Variants in ZNF33B observed in about 807,000 individuals in gnomAD.
The protein encoded by ZNF33B is zinc finger protein 11b (KOX 2).
A neutral mutation model predicts 45.8 loss-of-function variants in ZNF33B; 29 were observed. That is an observed-to-expected ratio of 0.63 (90% CI 0.47 to 0.86). The LOEUF (loss-of-function observed/expected upper bound fraction) is 0.86, where lower values mean the gene tolerates loss of function less well. Among genes scored for constraint, ZNF33B ranks in the 40% least tolerant of loss-of-function variants. ZNF33B has a pLI of 0.00. For synonymous variants in ZNF33B, 305 were observed against 307.8 expected (o/e 0.99, Z 0.10); for missense variants, 831 against 909.9 (o/e 0.91, Z 1.12).
intron 1 of ZNF33B, chr10:42,582,917 T>C: frequency 6.0e-6 from 3 of 500,834 alleles, no homozygotes; most frequent in Non-Finnish European, 1.1e-5. Flanking sequence ...TTTCCAAATT[T>C]GTTGCAGAGA....
At chr10:42,633,216 G>A (rs1433463039) in intron 2 of ZNF33B, among the ~76,000 whole-genome samples, 1 of 152,120 alleles carries the variant, frequency 6.6e-6, no homozygotes, top group East Asian at 1.9e-4. Flanking sequence ...ACAATAATAG[G>A]GATGTGTAGA....
At chr10:42,629,556 T>C (rs369611099) in intron 4 of ZNF33B, among the ~76,000 whole-genome samples, 30 of 152,324 alleles carry the variant, frequency 2.0e-4, no homozygotes, top group African/African-American at 6.7e-4. Flanking sequence ...ACATCTCCTG[T>C]ACCCCAAAAA....
rs1837068361 is a variant in ZNF33B, at chr10:42,590,355, T to C, written c.*2258A>G. On this transcript the variant is annotated 3_prime_UTR_variant, in exon 5 of 5. Coordinates refer to ENST00000359467, the MANE Select transcript of ZNF33B (RefSeq NM_006955.3). ...GAAAAATGCACATCAGTGAATCCAT[T>C]TGGTCCCGGCACTTTTTTTGGAAGG... The C allele has an allele frequency of 2.6e-5, 4 of 152,116 alleles. No individual in the cohort carries two copies. Among genetic ancestry groups the C allele is most frequent in the South Asian group, 2.1e-4 (1 of 4,824 alleles). 9.4% of individuals were successfully genotyped at this position (152,116 alleles called of 1,614,324 possible).
At chr10:42,620,041 C>T (rs758050461) in intron 4 of ZNF33B, among the ~76,000 whole-genome samples, 5 of 151,840 alleles carry the variant, frequency 3.3e-5, no homozygotes, top group Admixed American at 2.6e-4. Flanking sequence ...CATGGCAAAA[C>T]ACCATCTCTA....
At chr10:42,605,031 T>A (rs1478650879) in intron 4 of ZNF33B, 7 of 145,806 alleles carry the variant, frequency 4.8e-5, no homozygotes, top group African/African-American at 1.3e-4. Flanking sequence ...GAAATAAGAG[T>A]GAGGAAAAAT....
rs1355540083 is a variant in ZNF33B at position 42,638,331 on chromosome 10, G to C, written c.-45+143C>G. The C allele has an allele frequency of 1.6e-5, 5 of 310,448 alleles. No individual in the cohort carries two copies. The East Asian group carries it at 3.8e-4, about 23-fold the overall frequency. The allele number at this position is 310,448 out of a possible 1,614,324, so 19.2% of individuals were successfully genotyped here. ...GAGGAACTGGCGTAGCGTCCTGGTA[G>C]ACATGCTGCAGCCCCGCCGTCCCCG... On this transcript the variant is annotated intron_variant, in intron 1 of 4. Coordinates refer to ENST00000359467, the MANE Select transcript of ZNF33B (RefSeq NM_006955.3).
intron 4 of ZNF33B, among the ~76,000 whole-genome samples, chr10:42,628,639 TTAA>T (rs1344985489): frequency 1.3e-5 from 2 of 152,342 alleles, no homozygotes; most frequent in African/African-American, 4.8e-5. Flanking sequence ...TTGTTTTTGA[TTAA>T]TGTTTGTACA....
In ZNF33B at chr10:42,594,575, T is replaced by C; in HGVS notation, c.375A>G (p.Pro125=). The C allele has an allele frequency of 6.2e-7, 1 of 1,613,444 alleles. No homozygotes were observed. Among genetic ancestry groups the C allele is most frequent in the Non-Finnish European group, 8.5e-7 (1 of 1,179,726 alleles). Residue 125 remains proline (P), a synonymous_variant, in exon 5 of 5, where the codon CCA becomes CCG. Transcript: ENST00000359467. ...TKEQGNVIGI[P]FNMDVSSFPS... ...GAAAAGAACTTACGTCCATGTTAAATGGTATTCCTATTACATTACCTTGTT... is the reference window on the plus strand; with the variant it reads ...GAAAAGAACTTACGTCCATGTTAAACGGTATTCCTATTACATTACCTTGTT...
intron 1 of ZNF33B, among the ~76,000 whole-genome samples, chr10:42,579,141 T>A (rs1363539758): frequency 6.6e-6 from 1 of 152,188 alleles, no homozygotes; most frequent in East Asian, 1.9e-4. Context: ...TACCACATCA[T>A]GGTTCATCCT....
chr10:42,621,597 A>T (rs1838594906), intron 4 of ZNF33B, among the ~76,000 whole-genome samples: 1 of 152,142 alleles, frequency 6.6e-6, no homozygotes, highest in Admixed American at 6.6e-5. Flanking sequence ...TAAAACAAGT[A>T]AAAAAAGGAC....
chr10:42,638,182 G>A (rs1270790570), intron 1 of ZNF33B, among the ~76,000 whole-genome samples: 2 of 152,374 alleles, frequency 1.3e-5, no homozygotes, highest in African/African-American at 4.8e-5. Flanking sequence ...CGCTCAACCA[G>A]AGAACTGCCC....
intron 1 of ZNF33B, among the ~76,000 whole-genome samples, chr10:42,576,708 A>G (rs956075619): frequency 2.6e-5 from 4 of 152,182 alleles, no homozygotes; most frequent in African/African-American, 4.8e-5. Flanking sequence ...CTTTCCCCCA[A>G]TTTTTCCCAT....
chr10:42,603,726 G>C (rs114848998), intron 4 of ZNF33B, among the ~76,000 whole-genome samples: 2,556 of 152,222 alleles, frequency 0.017, 76 homozygotes, highest in African/African-American at 0.059. Flanking sequence ...AATCAGTAGC[G>C]GCTATCAGCA....
chr10:42,608,725 T>A (rs1280177816), intron 4 of ZNF33B, among the ~76,000 whole-genome samples: 1 of 151,768 alleles, frequency 6.6e-6, no homozygotes, highest in Non-Finnish European at 1.5e-5. Context: ...CTTAAAACAC[T>A]GGACAGGAGC....
rs536787057 is a variant in ZNF33B at position 42,577,557 on chromosome 10, G to T, written c.74-2879C>A. On this transcript the variant is annotated intron_variant, in intron 1 of 1. Coordinates refer to the ZNF33B transcript ENST00000462075. ...CCTTCACTTCAGAAAAAGCCCCAAG[G>T]CTTCTGATTCTCCAGTACTTTCTCC... 8.2e-4 allele frequency among the ~76,000 whole-genome samples: 125 copies of T among 152,218 alleles called. 1 individual carries two copies. In the Middle Eastern group the frequency reaches 0.024, roughly 29 times the overall value.
chr10:42,636,434 A>T (rs1277163456), intron 2 of ZNF33B, among the ~76,000 whole-genome samples: 3 of 152,222 alleles, frequency 2.0e-5, no homozygotes, highest in Non-Finnish European at 4.4e-5. Context: ...ATGAAGCTCA[A>T]CTTATTGACT....
Position 42,631,946 on chromosome 10 carries a change from G to A in ZNF33B, c.233C>T (p.Pro78Leu), listed in dbSNP as rs769170027. 1 of 1,614,014 alleles carries A rather than the reference G, an allele frequency of 6.2e-7. No individual in the cohort carries two copies. The highest frequency in any genetic ancestry group is 8.5e-7 in the Non-Finnish European group (1 of 1,179,948). The change falls in exon 4 of 5, where the codon CCA (proline) becomes CTA (leucine). Residue 78 changes from proline to leucine, a missense_variant. Coordinates refer to ENST00000359467, the MANE Select transcript of ZNF33B (RefSeq NM_006955.3). ...EEPWRLEEEF[P>L]SQSFPEVWTA... The stretch of plus-strand genomic sequence containing the variant: ...TAACCCACCTGGAAAGCTCTGGCTT[G>A]GGAATTCTTCCTCCAGTCTCCATGG...
intron 4 of ZNF33B, among the ~76,000 whole-genome samples, chr10:42,631,496 G>T (rs1337763913): frequency 6.6e-6 from 1 of 152,108 alleles, no homozygotes. Context: ...ACCATGCCTG[G>T]CCTAATTTTT....
chr10:42,637,905 G>A (rs776281383), intron 1 of ZNF33B, among the ~76,000 whole-genome samples: 4 of 152,270 alleles, frequency 2.6e-5, no homozygotes, highest in South Asian at 4.1e-4. Flanking sequence ...CACCCTCCTC[G>A]GCCTCCCAAA....
Sources: allele counts gnomAD v4.1 joint callset (sites outside exome capture counted in the v4.1 genomes callset), GRCh38; gene constraint gnomAD v4.1.1; transcripts MANE v1.5; gene names NCBI Gene and HGNC (gene_info 2026-07-23, HGNC 2026-07-21).